The following SCFD2 variants were observed in gnomAD, a reference collection of about 807,000 sequenced individuals.
SCFD2 encodes sec1 family domain containing 2.
SCFD2 carries 54 observed loss-of-function variants against 58.9 expected under a neutral mutation model. That is an observed-to-expected ratio of 0.92 (90% CI 0.74 to 1.15). The LOEUF (loss-of-function observed/expected upper bound fraction) is 1.15, where lower values mean the gene tolerates loss of function less well. Ranked by LOEUF, SCFD2 falls within the 50% of genes most tolerant of loss-of-function variation. SCFD2 has a pLI of 0.00. For missense variants in SCFD2, 805 were observed against 836.6 expected (o/e 0.96, Z 0.47); for synonymous variants, 321 against 335.9 (o/e 0.96, Z 0.49).
chr4:53,155,355 C>T (rs1726644577), intron 4 of SCFD2, among the ~76,000 whole-genome samples: 1 of 152,192 alleles, frequency 6.6e-6, no homozygotes, highest in South Asian at 2.1e-4. Context: ...GCAAATTCAG[C>T]CCTCTCTTGC....
chr4:53,072,515 G>C (rs950511984), intron 5 of SCFD2, among the ~76,000 whole-genome samples: 4 of 151,960 alleles, frequency 2.6e-5, no homozygotes, highest in African/African-American at 9.7e-5. Flanking sequence ...CCCGTGTACA[G>C]TGAAGAAACA....
intron 6 of SCFD2, among the ~76,000 whole-genome samples, chr4:52,914,218 T>C (rs1719552333): frequency 6.6e-6 from 1 of 152,240 alleles, no homozygotes; most frequent in Admixed American, 6.5e-5. Context: ...GTAAACTGCA[T>C]TAAACTGAAA....
intron 5 of SCFD2, among the ~76,000 whole-genome samples, chr4:53,073,237 A>T (rs1270097157): frequency 1.3e-5 from 2 of 152,086 alleles, no homozygotes; most frequent in African/African-American, 2.4e-5. Flanking sequence ...GAGGATGTGC[A>T]TGGGTTATAT....
chr4:53,174,453 CACAT>C (rs1441649724), intron 4 of SCFD2, among the ~76,000 whole-genome samples: 2 of 152,164 alleles, frequency 1.3e-5, no homozygotes, highest in African/African-American at 4.8e-5. Flanking sequence ...AAAAATGGAT[CACAT>C]ACAAAGAAAC....
At chr4:53,287,525 G>C (rs183092555) in intron 3 of SCFD2, among the ~76,000 whole-genome samples, 1 of 151,922 alleles carries the variant, frequency 6.6e-6, no homozygotes, top group South Asian at 2.1e-4. Flanking sequence ...GTCTGTACCC[G>C]CCCAGAACCA....
chr4:52,965,318 C>T (rs578148872), intron 5 of SCFD2, among the ~76,000 whole-genome samples: 1 of 152,268 alleles, frequency 6.6e-6, no homozygotes, highest in South Asian at 2.1e-4. Context: ...TCACTTCATG[C>T]CACAGACACT....
chr4:53,038,401 T>C (rs1317228312), intron 5 of SCFD2, among the ~76,000 whole-genome samples: 1 of 152,182 alleles, frequency 6.6e-6, no homozygotes, highest in Non-Finnish European at 1.5e-5. Flanking sequence ...GACAACTGGA[T>C]TGTCTTGGAT....
At chr4:53,291,047 C>T (rs1035782239) in intron 3 of SCFD2, among the ~76,000 whole-genome samples, 1 of 151,976 alleles carries the variant, frequency 6.6e-6, no homozygotes, top group African/African-American at 2.4e-5. Context: ...ACCTCTTAAG[C>T]CCACACAAAA....
At chr4:53,323,530 A>ATTTT (rs1201482656) in intron 2 of SCFD2, among the ~76,000 whole-genome samples, 19 of 106,760 alleles carry the variant, frequency 1.8e-4, no homozygotes, top group East Asian at 3.2e-4. Context: ...TGCCCAGCTA[A>ATTTT]TTTTTTTTTT....
intron 5 of SCFD2, among the ~76,000 whole-genome samples, chr4:52,921,325 G>T (rs900972712): frequency 2.0e-5 from 3 of 152,172 alleles, no homozygotes; most frequent in Admixed American, 2.0e-4. Flanking sequence ...CCTGTCTAAT[G>T]CACTAACAAA....
At chr4:53,187,769 T>C (rs1727780257) in intron 4 of SCFD2, among the ~76,000 whole-genome samples, 1 of 151,984 alleles carries the variant, frequency 6.6e-6, no homozygotes, top group African/African-American at 2.4e-5. Flanking sequence ...AGGAAAGATA[T>C]CAAAATGCTA....
intron 1 of SCFD2, among the ~76,000 whole-genome samples, chr4:53,354,176 G>A (rs1015552271): frequency 2.0e-5 from 3 of 152,026 alleles, no homozygotes; most frequent in Non-Finnish European, 2.9e-5. Flanking sequence ...GGAGCCCACA[G>A]GGGGAAGGGG....
intron 5 of SCFD2, among the ~76,000 whole-genome samples, chr4:53,048,387 A>G (rs1177233686): frequency 6.6e-6 from 1 of 152,076 alleles, no homozygotes; most frequent in African/African-American, 2.4e-5. Flanking sequence ...ATACACACAG[A>G]CATACTCTAA....
intron 7 of SCFD2, among the ~76,000 whole-genome samples, chr4:52,886,432 T>C (rs1016131920): frequency 6.6e-6 from 1 of 152,248 alleles, no homozygotes; most frequent in South Asian, 2.1e-4. Flanking sequence ...CTCTTTCTTC[T>C]TGGGCATGGG....
chr4:52,875,433 G>C (rs531991586), intron 8 of SCFD2, among the ~76,000 whole-genome samples: 1 of 120,680 alleles, frequency 8.3e-6, no homozygotes, highest in Non-Finnish European at 1.7e-5. Context: ...AGCTGTCCTA[G>C]AGCCTGAATT....
intron 5 of SCFD2, among the ~76,000 whole-genome samples, chr4:52,922,855 A>T (rs1199368438): frequency 1.3e-5 from 2 of 152,230 alleles, no homozygotes; most frequent in Non-Finnish European, 2.9e-5. Context: ...ATTTCTCTAC[A>T]TCCTAACCAA....
chr4:52,913,422 T>A (rs1719532475), intron 6 of SCFD2, among the ~76,000 whole-genome samples: 2 of 152,180 alleles, frequency 1.3e-5, no homozygotes, highest in Admixed American at 1.3e-4. Flanking sequence ...ATGTGAGGGT[T>A]CTAGGTTGCA....
intron 5 of SCFD2, among the ~76,000 whole-genome samples, chr4:53,123,497 C>G (rs1328467931): frequency 4.6e-5 from 6 of 130,566 alleles, no homozygotes; most frequent in Admixed American, 2.7e-4. Context: ...AACCAGTGCC[C>G]TAAGGGTTAC....
intron 5 of SCFD2, chr4:52,957,280 T>C (rs1720734116): frequency 1.3e-5 from 2 of 152,202 alleles, no homozygotes; most frequent in African/African-American, 4.8e-5. Flanking sequence ...TGTGTGCTTC[T>C]ATTTAATAAA....
Sources: gnomAD v4.1 joint callset for allele counts (sites outside exome capture counted in the v4.1 genomes callset) on GRCh38, gnomAD v4.1.1 for gene constraint, MANE v1.5 for transcripts, NCBI Gene and HGNC (gene_info 2026-07-23, HGNC 2026-07-21) for gene names.